PCNX1: variants seen among roughly 807,000 people sequenced by gnomAD.
PCNX1 encodes the protein pecanex 1, also known as pecanex-like protein 1.
PCNX1 carries 78 observed loss-of-function variants against 242.2 expected under a neutral mutation model. That is an observed-to-expected ratio of 0.32 (90% CI 0.27 to 0.39). The LOEUF is 0.39. PCNX1 is among the 10% of genes least tolerant of loss of function. PCNX1 has a pLI of 1.00. For synonymous variants in PCNX1, 1,024 were observed against 1,032.9 expected (o/e 0.99, Z 0.17); for missense variants, 2,581 against 2,856.5 (o/e 0.90, Z 2.20).
chr14:71,082,545 G>A (rs1398582813), intron 28 of PCNX1, among the ~76,000 whole-genome samples: 1 of 152,020 alleles, frequency 6.6e-6, no homozygotes, highest in Non-Finnish European at 1.5e-5. Flanking sequence ...CTCCTGTATT[G>A]GGTGTATATA....
At chr14:70,952,622 C>T (rs2057831554) in intron 2 of PCNX1, among the ~76,000 whole-genome samples, 1 of 152,070 alleles carries the variant, frequency 6.6e-6, no homozygotes, top group Admixed American at 6.5e-5. Flanking sequence ...TTGACTCACG[C>T]ATGGTGATGT....
intron 7 of PCNX1, among the ~76,000 whole-genome samples, chr14:70,989,542 T>TC (rs2059098115): frequency 6.8e-6 from 1 of 147,630 alleles, no homozygotes; most frequent in East Asian, 1.9e-4. Flanking sequence ...AAATTTTTTT[T>TC]TTTTTTTTTT....
chr14:70,994,957 A>G (rs907185121), intron 7 of PCNX1, among the ~76,000 whole-genome samples: 1 of 152,160 alleles, frequency 6.6e-6, no homozygotes, highest in Non-Finnish European at 1.5e-5. Flanking sequence ...TAGTTTCCCA[A>G]TTATTTTAAA....
At chr14:71,070,743 A>T (rs928219642) in intron 26 of PCNX1, among the ~76,000 whole-genome samples, 1 of 152,182 alleles carries the variant, frequency 6.6e-6, no homozygotes, top group Non-Finnish European at 1.5e-5. Context: ...ATTTAGCATA[A>T]TTCTTAAAGG....
chr14:70,992,680 T>C (rs2059203810), intron 7 of PCNX1, among the ~76,000 whole-genome samples: 1 of 152,224 alleles, frequency 6.6e-6, no homozygotes, highest in South Asian at 2.1e-4. Context: ...GTGCTAGTGA[T>C]AGCTGATAGT....
chr14:70,924,254 AAG>A (rs1371002840), intron 1 of PCNX1, among the ~76,000 whole-genome samples: 2 of 151,620 alleles, frequency 1.3e-5, no homozygotes, highest in African/African-American at 2.4e-5. Flanking sequence ...AAAAAAGAAA[AAG>A]AAAAAACAGA....
At chr14:71,046,912 G>C in intron 20 of PCNX1, 52 bp from the exon 21 acceptor site, 1 of 1,442,640 alleles carries the variant, frequency 6.9e-7, no homozygotes, top group Non-Finnish European at 9.2e-7. Context: ...TCATCACATT[G>C]ACAAACTATA....
At chr14:71,076,161 TC>T in intron 27 of PCNX1, 27 bp from the exon 28 acceptor site, 1 of 1,298,040 alleles carries the variant, frequency 7.7e-7, no homozygotes, top group Non-Finnish European at 1.1e-6. Context: ...TAATCTGAAT[TC>T]TTTTTTTTTT....
At chr14:71,064,204 T>C (rs2061392432) in intron 26 of PCNX1, among the ~76,000 whole-genome samples, 1 of 152,136 alleles carries the variant, frequency 6.6e-6, no homozygotes, top group Non-Finnish European at 1.5e-5. Flanking sequence ...TTAATATTAA[T>C]AATTGAAAAC....
chr14:70,953,621 C>G (rs1275717273), intron 2 of PCNX1, among the ~76,000 whole-genome samples: 2 of 145,236 alleles, frequency 1.4e-5, no homozygotes, highest in Non-Finnish European at 3.0e-5. Flanking sequence ...AAATTTACCA[C>G]TTTTTAGTAA....
intron 1 of PCNX1, among the ~76,000 whole-genome samples, chr14:70,925,371 G>C (rs1429277290): frequency 6.6e-6 from 1 of 152,170 alleles, no homozygotes; most frequent in African/African-American, 2.4e-5. Context: ...AATGAAGACA[G>C]CCTTGTCTAG....
Position 70,932,525 on chromosome 14 carries a change from G to C in PCNX1, c.154-14390G>C, listed in dbSNP as rs186364333. 9.9e-4 allele frequency among the ~76,000 whole-genome samples: 151 copies of C among 152,080 alleles called. No individual in the cohort carries two copies. In the Middle Eastern group the frequency reaches 0.01, roughly 10 times the overall value. ...ATTGTGCTAACAGACTCTGTTCCTA[G>C]TCCCTAGTCAGTTACCTTTTATGTC... On this transcript the variant is annotated intron_variant, in intron 1 of 35. Transcript: ENST00000304743.
chr14:70,935,911 T>A (rs2056983136), intron 1 of PCNX1, among the ~76,000 whole-genome samples: 1 of 152,208 alleles, frequency 6.6e-6, no homozygotes, highest in Non-Finnish European at 1.5e-5. Flanking sequence ...TTCCAGGAAT[T>A]CTGGTTTTTA....
chr14:71,014,115 A>G (rs994932565), intron 11 of PCNX1, among the ~76,000 whole-genome samples: 29 of 152,332 alleles, frequency 1.9e-4, no homozygotes, highest in Admixed American at 1.5e-3. Context: ...TGTCCCTACC[A>G]GCCAGATTGG....
At chr14:70,955,629 G>T (rs1357336053) in intron 2 of PCNX1, among the ~76,000 whole-genome samples, 4 of 152,078 alleles carry the variant, frequency 2.6e-5, no homozygotes, top group African/African-American at 2.4e-5. Context: ...TGAATTTGTT[G>T]TATTGCTTAC....
At chr14:70,998,352 G>C (rs1364668801) in intron 8 of PCNX1, among the ~76,000 whole-genome samples, 6 of 152,100 alleles carry the variant, frequency 3.9e-5, no homozygotes, top group Non-Finnish European at 8.8e-5. Context: ...TTTATTAGTA[G>C]CTTATTAAAC....
chr14:71,074,596 G>A (rs1419994897), intron 27 of PCNX1, among the ~76,000 whole-genome samples: 1 of 152,146 alleles, frequency 6.6e-6, no homozygotes, highest in Non-Finnish European at 1.5e-5. Flanking sequence ...ACGGGCTGTT[G>A]TCCACCAAGG....
At position 70,977,245 on chromosome 14, in the gene PCNX1, T is replaced by G; in HGVS notation, c.908T>G (p.Leu303Arg). ...FPDTSLNDFP[L>R]YQQRRGLDPV... ...GACACTTCACTGAATGATTTTCCCC[T>G]TTATCAGCAAAGACGTGGATTAGAT... Residue 303 changes from leucine (L) to arginine (R), a missense_variant, in exon 6 of 36, where the codon CTT (leucine) becomes CGT (arginine). By Grantham distance (102) the Leu-to-Arg change is moderately radical. Transcript: ENST00000304743. 1 of 1,614,206 alleles carries G rather than the reference T, an allele frequency of 6.2e-7. No individual in the cohort carries two copies. The highest frequency in any genetic ancestry group is 8.5e-7 in the Non-Finnish European group (1 of 1,180,022).
intron 28 of PCNX1, among the ~76,000 whole-genome samples, chr14:71,087,038 A>C (rs1048589467): frequency 1.3e-5 from 2 of 152,168 alleles, no homozygotes; most frequent in Non-Finnish European, 1.5e-5. Context: ...TTAGTCTAGA[A>C]AGTTGACAGG....
Sources: gnomAD v4.1 joint callset for allele counts (sites outside exome capture counted in the v4.1 genomes callset) on GRCh38, gnomAD v4.1.1 for gene constraint, MANE v1.5 for transcripts, NCBI Gene and HGNC (gene_info 2026-07-23, HGNC 2026-07-21) for gene names.